SLCO1B1: variants seen among roughly 807,000 people sequenced by gnomAD.
SLCO1B1 encodes OATP-2.
SLCO1B1 carries 81 observed loss-of-function variants against 70.1 expected under a neutral mutation model. The observed-to-expected ratio is 1.16, with a 90% confidence interval of 0.97 to 1.39. The LOEUF is 1.39. SLCO1B1 is among the 40% of genes most tolerant of loss of function. The probability of loss-of-function intolerance (pLI) is 0.00; values close to 1 mark genes in which losing one functional copy is unlikely to be tolerated. For synonymous variants in SLCO1B1, 283 were observed against 271.5 expected, an observed-to-expected ratio of 1.04 and a Z score of -0.42; for missense variants, 895 against 799.6, an observed-to-expected ratio of 1.12 and a Z score of -1.44.
intron 13 of SLCO1B1, among the ~76,000 whole-genome samples, chr12:21,223,974 A>G (rs1377235559): frequency 6.6e-6 from 1 of 152,060 alleles, no homozygotes; most frequent in Non-Finnish European, 1.5e-5. Flanking sequence ...AATAAAAATT[A>G]ACTAAGAAAA....
intron 2 of SLCO1B1, among the ~76,000 whole-genome samples, chr12:21,162,291 A>G (rs200665613): frequency 7.2e-5 from 11 of 152,062 alleles, no homozygotes; most frequent in African/African-American, 2.7e-4. Context: ...ATATTTTTTT[A>G]TTTGGAAAAC....
At chr12:21,132,271 C>T (rs964607904) in intron 1 of SLCO1B1, among the ~76,000 whole-genome samples, 7 of 152,106 alleles carry the variant, frequency 4.6e-5, no homozygotes, top group African/African-American at 9.7e-5. Context: ...GTCTTTGCTA[C>T]TGTGAATAGT....
At chr12:21,204,993 C>A (rs1941198605) in intron 10 of SLCO1B1, among the ~76,000 whole-genome samples, 2 of 151,778 alleles carry the variant, frequency 1.3e-5, no homozygotes, top group Admixed American at 1.3e-4. Flanking sequence ...ATAAACCATT[C>A]TACTTAACCA....
Position 21,218,291 on chromosome 12 carries a change from G to A in SLCO1B1, c.1682+988G>A, listed in dbSNP as rs903178971. 2.0e-5 allele frequency among the ~76,000 whole-genome samples: 3 copies of A among 152,066 alleles called. No homozygotes were observed. The East Asian group carries it at 5.8e-4, about 29-fold the overall frequency. On this transcript the variant is annotated intron_variant, in intron 12 of 14. Coordinates refer to ENST00000256958, the MANE Select transcript of SLCO1B1 (RefSeq NM_006446.5). ...GGTGCAGGTAATGCATGCCCTACTG[G>A]CCAAGTTGATTCAATCACCTAAAAC...
intron 8 of SLCO1B1, among the ~76,000 whole-genome samples, chr12:21,198,395 T>C (rs1941118460): frequency 6.6e-6 from 1 of 152,146 alleles, no homozygotes; most frequent in South Asian, 2.1e-4. Context: ...AAAAGTACTA[T>C]ACCAATAATT....
intron 11 of SLCO1B1, among the ~76,000 whole-genome samples, chr12:21,207,932 G>C (rs1790536067): frequency 6.6e-6 from 1 of 151,808 alleles, no homozygotes; most frequent in African/African-American, 2.4e-5. Flanking sequence ...TTAGCTGCTT[G>C]TATGTCTTCT....
In SLCO1B1 at chr12:21,165,150, G is replaced by A. The variant is rs144911146; in HGVS notation, c.85-7500G>A. On this transcript the variant is annotated intron_variant, in intron 2 of 14. Coordinates refer to ENST00000256958, the MANE Select transcript of SLCO1B1 (RefSeq NM_006446.5). ...TTCTGACTTTAAGTTTAGAACTATT[G>A]CCATAATAAATTAATGACCGATCTG... Among the ~76,000 whole-genome samples, 267 of 152,156 alleles carry A rather than the reference G, an allele frequency of 1.8e-3. 4 individuals carry two copies. Among genetic ancestry groups the A allele is most frequent in the African/African-American group, 6.3e-3 (260 of 41,542 alleles).
chr12:21,217,342 A>G (rs376048229), intron 12 of SLCO1B1, 39 bp downstream of exon 12: 28 of 1,443,492 alleles, frequency 1.9e-5, no homozygotes, highest in Non-Finnish European at 2.4e-5. Flanking sequence ...TATGCATGAG[A>G]CTATAAACAC....
chr12:21,190,631 TTGTA>T (rs1941019543), intron 7 of SLCO1B1, among the ~76,000 whole-genome samples: 1 of 152,210 alleles, frequency 6.6e-6, no homozygotes, highest in Non-Finnish European at 1.5e-5. Context: ...GTAATGTACA[TTGTA>T]CCCAATATGT....
At chr12:21,214,343 T>G (rs1341893026) in intron 11 of SLCO1B1, among the ~76,000 whole-genome samples, 1 of 150,912 alleles carries the variant, frequency 6.6e-6, no homozygotes, top group Non-Finnish European at 1.5e-5. Context: ...AGTGTGCCCC[T>G]GCTGGGGCGT....
At chr12:21,217,858 A>C (rs756745835) in intron 12 of SLCO1B1, among the ~76,000 whole-genome samples, 1 of 152,142 alleles carries the variant, frequency 6.6e-6, no homozygotes, top group African/African-American at 2.4e-5. Context: ...TGAATATTAC[A>C]TGGTAAATGA....
intron 12 of SLCO1B1, among the ~76,000 whole-genome samples, chr12:21,219,874 G>C (rs898360361): frequency 3.3e-5 from 5 of 152,116 alleles, no homozygotes; most frequent in Non-Finnish European, 5.9e-5. Flanking sequence ...CGATGCTCCT[G>C]CCTCAACCTC....
chr12:21,178,778 A>T, intron 6 of SLCO1B1, 56 bp downstream of exon 6: 1 of 1,497,686 alleles, frequency 6.7e-7, no homozygotes, highest in Admixed American at 1.7e-5. Flanking sequence ...CTACTTTTGA[A>T]ATAGTAGAGT....
intron 1 of SLCO1B1, among the ~76,000 whole-genome samples, chr12:21,139,091 A>G (rs150365835): frequency 1.8e-4 from 27 of 152,312 alleles, no homozygotes; most frequent in African/African-American, 5.3e-4. Context: ...CCTTCAAGAC[A>G]TCAAGAATAT....
intron 2 of SLCO1B1, among the ~76,000 whole-genome samples, chr12:21,158,706 AT>A (rs1180654536): frequency 6.6e-6 from 1 of 152,132 alleles, no homozygotes; most frequent in Non-Finnish European, 1.5e-5. Flanking sequence ...GAAAAAAAAA[AT>A]TCTCACATTA....
intron 2 of SLCO1B1, among the ~76,000 whole-genome samples, chr12:21,149,444 A>T (rs1339118109): frequency 3.3e-5 from 5 of 152,146 alleles, no homozygotes; most frequent in African/African-American, 4.8e-5. Flanking sequence ...TCCAGTGTGC[A>T]GCTCCCAAAA....
At chr12:21,152,230 T>A (rs190238076) in intron 2 of SLCO1B1, among the ~76,000 whole-genome samples, 9 of 152,184 alleles carry the variant, frequency 5.9e-5, no homozygotes, top group Admixed American at 1.3e-4. Flanking sequence ...ATAATTTTTT[T>A]AATGAAATTT....
chr12:21,151,319 G>T (rs550218705), intron 2 of SLCO1B1, among the ~76,000 whole-genome samples: 1 of 152,060 alleles, frequency 6.6e-6, no homozygotes, highest in Admixed American at 6.5e-5. Context: ...CTACCATAGC[G>T]GTTGGGTTGC....
chr12:21,215,798 T>C (rs1297824190), intron 11 of SLCO1B1, among the ~76,000 whole-genome samples: 2 of 152,184 alleles, frequency 1.3e-5, no homozygotes, highest in Non-Finnish European at 2.9e-5. Flanking sequence ...TCACTCTTTT[T>C]TGTATTTCCA....
Sources: gnomAD v4.1 joint callset for allele counts (sites outside exome capture counted in the v4.1 genomes callset) on GRCh38, gnomAD v4.1.1 for gene constraint, MANE v1.5 for transcripts, NCBI Gene and HGNC (gene_info 2026-07-23, HGNC 2026-07-21) for gene names.